The following CCSER1 variants were observed in gnomAD, a reference collection of about 807,000 sequenced individuals.
The protein encoded by CCSER1 is coiled-coil serine rich protein 1, also known as serine-rich coiled-coil domain-containing protein 1.
In CCSER1, 41 loss-of-function variants were observed where a neutral mutation model predicts 82.0. The ratio of observed to expected loss-of-function variants is 0.50; its 90% CI spans 0.39 to 0.65. The LOEUF is 0.65. Among genes scored for constraint, CCSER1 ranks in the 30% least tolerant of loss-of-function variants. The probability of loss-of-function intolerance (pLI) is 0.00; values close to 1 mark genes in which losing one functional copy is unlikely to be tolerated. For missense variants in CCSER1, 1,119 were observed against 1,064.2 expected (o/e 1.05, Z -0.72); for synonymous variants, 414 against 383.9 (o/e 1.08, Z -0.92).
At chr4:91,072,701 C>T (rs1424764657) in intron 9 of CCSER1, among the ~76,000 whole-genome samples, 1 of 152,058 alleles carries the variant, frequency 6.6e-6, no homozygotes, top group East Asian at 1.9e-4. Flanking sequence ...GTATTCAACT[C>T]TGCTTTCTTT....
intron 6 of CCSER1, among the ~76,000 whole-genome samples, chr4:90,650,811 C>A (rs187605429): frequency 1.3e-5 from 2 of 152,304 alleles, no homozygotes; most frequent in East Asian, 3.9e-4. Context: ...TTTCTTCCTA[C>A]CTCAACTTTT....
chr4:90,191,718 T>C (rs1452721069), intron 1 of CCSER1, among the ~76,000 whole-genome samples: 1 of 152,062 alleles, frequency 6.6e-6, no homozygotes, highest in Non-Finnish European at 1.5e-5. Context: ...AGAAATGGTT[T>C]CCTATGGAAA....
chr4:91,153,871 G>A (rs1048454749), intron 10 of CCSER1, among the ~76,000 whole-genome samples: 2 of 151,932 alleles, frequency 1.3e-5, no homozygotes, highest in South Asian at 4.1e-4. Flanking sequence ...TCCTCTGGAA[G>A]CTTTGTCTCA....
intron 8 of CCSER1, chr4:90,918,322 A>T (rs527939254): frequency 1.6e-5 from 7 of 445,332 alleles, no homozygotes; most frequent in Admixed American, 1.3e-4. Context: ...ATCAACTTTT[A>T]TGTAGGTAAT....
chr4:90,988,906 T>C (rs999966967), intron 9 of CCSER1, among the ~76,000 whole-genome samples: 2 of 151,846 alleles, frequency 1.3e-5, no homozygotes, highest in Admixed American at 1.3e-4. Context: ...TTTATTTTAC[T>C]TTCCCTTTTT....
At chr4:90,617,446 C>T (rs1481465679) in intron 5 of CCSER1, among the ~76,000 whole-genome samples, 1 of 152,080 alleles carries the variant, frequency 6.6e-6, no homozygotes, top group African/African-American at 2.4e-5. Flanking sequence ...CCACCAGCAA[C>T]CACTGTTATC....
chr4:90,415,847 G>C (rs1368053165), intron 4 of CCSER1, among the ~76,000 whole-genome samples: 3 of 152,168 alleles, frequency 2.0e-5, no homozygotes, highest in African/African-American at 4.8e-5. Context: ...AGTTAAAAGA[G>C]GGCTAAAACA....
chr4:90,706,087 G>A (rs773858330), intron 6 of CCSER1, among the ~76,000 whole-genome samples: 2 of 152,128 alleles, frequency 1.3e-5, no homozygotes, highest in East Asian at 3.9e-4. Flanking sequence ...CTGTAGACTG[G>A]AGCTGTTCCT....
At chr4:91,467,562 G>A (rs908886613) in intron 10 of CCSER1, among the ~76,000 whole-genome samples, 3 of 152,058 alleles carry the variant, frequency 2.0e-5, no homozygotes, top group African/African-American at 7.2e-5. Context: ...GAGTGAACAG[G>A]CAACCTACAG....
chr4:91,385,514 G>T (rs752520903), intron 10 of CCSER1, among the ~76,000 whole-genome samples: 30 of 151,714 alleles, frequency 2.0e-4, no homozygotes, highest in Non-Finnish European at 4.4e-4. Flanking sequence ...TTAGATGGAG[G>T]TTAATGTTTA....
chr4:91,286,188 G>T (rs1174063063), intron 10 of CCSER1, among the ~76,000 whole-genome samples: 1 of 151,670 alleles, frequency 6.6e-6, no homozygotes, highest in African/African-American at 2.4e-5. Flanking sequence ...ATGATGATAT[G>T]ATTAGAAAGG....
At chr4:91,503,113 C>T (rs1456772170) in intron 10 of CCSER1, among the ~76,000 whole-genome samples, 5 of 152,072 alleles carry the variant, frequency 3.3e-5, no homozygotes, top group South Asian at 2.1e-4. Flanking sequence ...GAGGCCGAGG[C>T]GGGCGGATCA....
Position 90,802,376 on chromosome 4 carries a change from A to G in CCSER1, c.2011-13386A>G, listed in dbSNP as rs1756950727. ...TATAATCAGTAAAGATATCCTAAAA[A>G]TATTATGCTTTTAAAATTTTTAAAT... On this transcript the variant is annotated intron_variant, in intron 7 of 10. Coordinates refer to ENST00000509176, the MANE Select transcript of CCSER1 (RefSeq NM_001145065.2). 5.3e-5 allele frequency among the ~76,000 whole-genome samples: 8 copies of G among 150,520 alleles called. No homozygotes were observed. The South Asian group carries it at 1.7e-3, about 31-fold the overall frequency.
chr4:90,759,138 A>G (rs1364285721), intron 7 of CCSER1, among the ~76,000 whole-genome samples: 1 of 152,184 alleles, frequency 6.6e-6, no homozygotes, highest in African/African-American at 2.4e-5. Context: ...CTAGACACCA[A>G]CGCTTCCTCC....
intron 9 of CCSER1, among the ~76,000 whole-genome samples, chr4:90,958,922 G>C (rs1733788253): frequency 6.6e-6 from 1 of 152,070 alleles, no homozygotes; most frequent in South Asian, 2.1e-4. Context: ...GATTATTAGA[G>C]TATAATTTTC....
chr4:91,065,800 C>T (rs935472548), intron 9 of CCSER1, among the ~76,000 whole-genome samples: 4 of 151,786 alleles, frequency 2.6e-5, no homozygotes, highest in East Asian at 1.9e-4. Flanking sequence ...AATTTTTCAC[C>T]GAATCATACT....
intron 5 of CCSER1, among the ~76,000 whole-genome samples, chr4:90,559,217 G>GC (rs1560717469): frequency 6.6e-6 from 1 of 152,152 alleles, no homozygotes; most frequent in African/African-American, 2.4e-5. Context: ...AAATTTAGCT[G>GC]CCCCCCTTTT....
intron 10 of CCSER1, among the ~76,000 whole-genome samples, chr4:91,506,890 T>TA (rs1759523209): frequency 6.6e-6 from 1 of 152,264 alleles, no homozygotes; most frequent in African/African-American, 2.4e-5. Flanking sequence ...TATGAAAACA[T>TA]AGAGTCTGTA....
intron 9 of CCSER1, among the ~76,000 whole-genome samples, chr4:90,972,587 C>G (rs961782150): frequency 6.6e-6 from 1 of 151,310 alleles, no homozygotes; most frequent in Non-Finnish European, 1.5e-5. Context: ...TCTTAAAATA[C>G]CTGTAGTACA....
Sources: gnomAD v4.1 joint callset for allele counts (sites outside exome capture counted in the v4.1 genomes callset) on GRCh38, gnomAD v4.1.1 for gene constraint, MANE v1.5 for transcripts, NCBI Gene and HGNC (gene_info 2026-07-23, HGNC 2026-07-21) for gene names.